The following FARP2 variants were observed in gnomAD, a reference collection of about 807,000 sequenced individuals.
FARP2 encodes FERM, ARHGEF and pleckstrin domain-containing protein 2.
In FARP2, 111 loss-of-function variants were observed where a neutral mutation model predicts 130.5. The observed-to-expected ratio is 0.85, with a 90% CI of 0.73 to 1.00. The LOEUF (loss-of-function observed/expected upper bound fraction) is 1.00, where lower values mean the gene tolerates loss of function less well. FARP2 is among the 50% of genes least tolerant of loss of function. The pLI, the probability that FARP2 is intolerant of heterozygous loss-of-function variation, is 0.00. For synonymous variants in FARP2, 504 were observed against 516.9 expected, an observed-to-expected ratio of 0.98 and a Z score of 0.34; for missense variants, 1,385 against 1,346.3, an observed-to-expected ratio of 1.03 and a Z score of -0.45.
intron 7 of FARP2, 100 bp from the exon 8 acceptor site, chr2:241,417,862 A>C (rs1166233756): frequency 1.5e-6 from 2 of 1,320,810 alleles, no homozygotes; most frequent in Non-Finnish European, 2.1e-6. Flanking sequence ...AAACACACAA[A>C]GCCTTCATTG....
At chr2:241,481,381 A>T (rs2064611119) in intron 19 of FARP2, among the ~76,000 whole-genome samples, 1 of 152,254 alleles carries the variant, frequency 6.6e-6, no homozygotes, top group African/African-American at 2.4e-5. Flanking sequence ...TTTAAAAATT[A>T]CATGGAGATG....
intron 18 of FARP2, among the ~76,000 whole-genome samples, chr2:241,474,801 TAATAAATAAATA>T (rs56306612): frequency 0.15 from 20,972 of 140,222 alleles, 1,602 homozygotes; most frequent in Admixed American, 0.17. Context: ...CTAATAATAA[TAATAAATAAATA>T]AATAAATAAA....
At chr2:241,479,081 G>C in intron 19 of FARP2, 2 of 491,620 alleles carry the variant, frequency 4.1e-6, no homozygotes, top group Non-Finnish European at 7.3e-6. Flanking sequence ...GCTGCGAGAA[G>C]GAACCTGCTT....
chr2:241,466,284 G>T (rs909331978), intron 17 of FARP2: 2 of 985,318 alleles, frequency 2.0e-6, no homozygotes, highest in African/African-American at 1.7e-5. Context: ...GGTGAGTCCC[G>T]GAGTAGTGCT....
chr2:241,377,279 T>C (rs2061558996), intron 2 of FARP2, among the ~76,000 whole-genome samples: 1 of 152,138 alleles, frequency 6.6e-6, no homozygotes, highest in Non-Finnish European at 1.5e-5. Context: ...TATTGGAAGT[T>C]TACATTTCAG....
chr2:241,464,127 ACAGGGCCCCCT>A (rs2064103079), intron 17 of FARP2, 147 bp downstream of exon 17: 1 of 641,462 alleles, frequency 1.6e-6, no homozygotes, highest in Admixed American at 2.4e-5. Context: ...TCTCCTTAGA[ACAGGGCCCCCT>A]CAGAGCAGGA....
chr2:241,375,529 T>G (rs1340286921), intron 2 of FARP2, among the ~76,000 whole-genome samples: 1 of 152,212 alleles, frequency 6.6e-6, no homozygotes, highest in African/African-American at 2.4e-5. Context: ...AATTCACCTT[T>G]ACTGAGTATG....
intron 18 of FARP2, among the ~76,000 whole-genome samples, chr2:241,473,742 A>G (rs1158224340): frequency 6.6e-6 from 1 of 152,190 alleles, no homozygotes; most frequent in African/African-American, 2.4e-5. Flanking sequence ...CTCAGACCCA[A>G]GTGCTTGAGG....
chr2:241,461,849 G>A (rs945492678), intron 14 of FARP2, among the ~76,000 whole-genome samples: 1 of 152,230 alleles, frequency 6.6e-6, no homozygotes, highest in East Asian at 1.9e-4. Flanking sequence ...CTCTTGGAGG[G>A]TTCAGGGTGG....
intron 2 of FARP2, among the ~76,000 whole-genome samples, chr2:241,397,461 T>C (rs945846273): frequency 3.3e-5 from 5 of 152,218 alleles, no homozygotes; most frequent in African/African-American, 1.2e-4. Flanking sequence ...GTGATCTATG[T>C]TAAGTGATCA....
At chr2:241,402,862 A>T (rs1479528401) in intron 2 of FARP2, among the ~76,000 whole-genome samples, 1 of 10,746 alleles carries the variant, frequency 9.3e-5, no homozygotes, top group Non-Finnish European at 1.7e-4. Context: ...ATATATATAT[A>T]TATATATATA....
chr2:241,456,749 C>T lies in FARP2; in HGVS notation c.1414C>T (p.Leu472Phe). ...TCCCCCTCCCCGTTCATTTCCAGGC[C>T]TTTCCACGAAGAGTCCTCAGCCTTC... ...GPPALQPGPGLSTKSPQPSPS... is the reference protein window; with the variant it reads ...GPPALQPGPGFSTKSPQPSPS... Residue 472 changes from leucine to phenylalanine, a missense_variant and splice_region_variant, in exon 14 of 27, where the codon CTT (leucine) becomes TTT (phenylalanine). Physicochemically the swap from Leu to Phe is conservative, Grantham distance 22. Transcript: ENST00000264042. 6.2e-7 allele frequency: 1 copy of T among 1,614,130 alleles called. No individual in the cohort carries two copies. Among genetic ancestry groups the T allele is most frequent in the South Asian group, 1.1e-5 (1 of 91,084 alleles).
intron 2 of FARP2, among the ~76,000 whole-genome samples, chr2:241,378,549 A>G (rs951085895): frequency 6.6e-6 from 1 of 151,852 alleles, no homozygotes; most frequent in Non-Finnish European, 1.5e-5. Context: ...AGTAGCTGGA[A>G]CTACAGGCGT....
intron 2 of FARP2, among the ~76,000 whole-genome samples, chr2:241,385,192 A>T (rs1352084811): frequency 6.6e-6 from 1 of 152,176 alleles, no homozygotes; most frequent in Non-Finnish European, 1.5e-5. Flanking sequence ...ACACTAGAGG[A>T]GGGCAAACTT....
chr2:241,466,383 G>A, intron 17 of FARP2: 2 of 985,424 alleles, frequency 2.0e-6, no homozygotes, highest in Non-Finnish European at 2.4e-6. Context: ...GCCATGACCA[G>A]GTGCAGGTGG....
chr2:241,422,825 A>G (rs11693232), intron 8 of FARP2, among the ~76,000 whole-genome samples: 14,917 of 152,244 alleles, frequency 0.098, 800 homozygotes, highest in Middle Eastern at 0.12. Context: ...TTGCAATCAC[A>G]AGTATCAATA....
At chr2:241,453,217 C>T (rs144855204) in intron 13 of FARP2, among the ~76,000 whole-genome samples, 1 of 151,940 alleles carries the variant, frequency 6.6e-6, no homozygotes, top group East Asian at 1.9e-4. Flanking sequence ...CTAGTCCCAG[C>T]TACTCAGGAG....
At chr2:241,453,389 A>G (rs372727558) in intron 13 of FARP2, among the ~76,000 whole-genome samples, 139 of 152,022 alleles carry the variant, frequency 9.1e-4, no homozygotes, top group African/African-American at 1.5e-3. Context: ...TTGGGAGGCC[A>G]AGGCGGGCAG....
In FARP2 at chr2:241,404,808, G is replaced by C. The variant is rs1315593179; in HGVS notation, c.298G>C (p.Glu100Gln). The change falls in exon 4 of 27, where the codon GAA (glutamate) becomes CAA (glutamine). Residue 100 changes from glutamate (E) to glutamine (Q), a missense_variant. Physicochemically the swap from Glu to Gln is conservative, Grantham distance 29. Transcript: ENST00000264042. The stretch of plus-strand genomic sequence containing the variant: ...GTTAACTCTTCTTTAGATTTGGCTT[G>C]AACCTATGAAACCCATCATTAGGCA... ...QNTQSYWIWL[E>Q]PMKPIIRQIR... The C allele has an allele frequency of 6.2e-7, 1 of 1,608,206 alleles. No individual in the cohort carries two copies. Among genetic ancestry groups the C allele is most frequent in the Non-Finnish European group, 8.5e-7 (1 of 1,174,984 alleles).
Sources: allele counts gnomAD v4.1 joint callset (sites outside exome capture counted in the v4.1 genomes callset), GRCh38; gene constraint gnomAD v4.1.1; transcripts MANE v1.5; gene names NCBI Gene and HGNC (gene_info 2026-07-23, HGNC 2026-07-21).